The following VTCN1 variants were observed in gnomAD, a reference collection of about 807,000 sequenced individuals.
VTCN1 encodes V-set domain-containing T-cell activation inhibitor 1.
Under a neutral mutation model 26.5 loss-of-function variants are expected in VTCN1, and 26 were observed. That is an observed-to-expected ratio of 0.98 (90% CI 0.72 to 1.36). The LOEUF is 1.36. VTCN1 is among the 40% of genes most tolerant of loss of function. The probability of loss-of-function intolerance (pLI) is 0.00; values close to 1 mark genes in which losing one functional copy is unlikely to be tolerated. For missense variants in VTCN1, 298 were observed against 337.7 expected (o/e 0.88, Z 0.92); for synonymous variants, 116 against 130.7 (o/e 0.89, Z 0.77).
At chr1:117,151,832 A>G (rs1053786642) in intron 4 of VTCN1, among the ~76,000 whole-genome samples, 1 of 151,748 alleles carries the variant, frequency 6.6e-6, no homozygotes, top group African/African-American at 2.4e-5. Flanking sequence ...GAGGGTTCCA[A>G]TTTTTCCGCA....
intron 2 of VTCN1, among the ~76,000 whole-genome samples, chr1:117,160,056 C>T (rs1652287472): frequency 1.3e-5 from 2 of 152,180 alleles, no homozygotes; most frequent in Non-Finnish European, 1.5e-5. Flanking sequence ...ATTTAATTAA[C>T]TGAATCTTCT....
At chr1:117,205,032 A>ATG (rs1473455790) in intron 1 of VTCN1, among the ~76,000 whole-genome samples, 4 of 150,722 alleles carry the variant, frequency 2.7e-5, no homozygotes, top group Non-Finnish European at 1.5e-5. Flanking sequence ...ACACGTATAT[A>ATG]TATACGTGTC....
chr1:117,184,315 A>G (rs1647825137), intron 1 of VTCN1, among the ~76,000 whole-genome samples: 1 of 152,050 alleles, frequency 6.6e-6, no homozygotes, highest in South Asian at 2.1e-4. Flanking sequence ...GCACTGGGCT[A>G]TCTGCGAGGC....
chr1:117,191,508 A>C (rs994989279), intron 1 of VTCN1, among the ~76,000 whole-genome samples: 6 of 152,142 alleles, frequency 3.9e-5, no homozygotes, highest in Non-Finnish European at 8.8e-5. Flanking sequence ...TAAAAAATAA[A>C]AAACAGACTG....
At chr1:117,172,361 T>C (rs772613029) in intron 1 of VTCN1, 95 of 518,662 alleles carry the variant, frequency 1.8e-4, no homozygotes, top group Admixed American at 1.8e-3. Flanking sequence ...ATCTGCTAAA[T>C]TGATTCCAAG....
At chr1:117,187,121 A>G (rs998750020) in intron 1 of VTCN1, among the ~76,000 whole-genome samples, 3 of 151,854 alleles carry the variant, frequency 2.0e-5, no homozygotes, top group African/African-American at 4.8e-5. Flanking sequence ...ACCCTGCCTC[A>G]GCAACAAGGT....
intron 1 of VTCN1, among the ~76,000 whole-genome samples, chr1:117,173,900 C>G (rs1052123174): frequency 6.6e-6 from 1 of 152,182 alleles, no homozygotes; most frequent in African/African-American, 2.4e-5. Flanking sequence ...ACGTTTCCCT[C>G]GCTGTGAAAA....
At chr1:117,200,667 T>C (rs911059082) in intron 1 of VTCN1, among the ~76,000 whole-genome samples, 4 of 152,216 alleles carry the variant, frequency 2.6e-5, no homozygotes, top group Non-Finnish European at 4.4e-5. Flanking sequence ...GTTGGTTATT[T>C]GAAGTTCTGT....
intron 2 of VTCN1, among the ~76,000 whole-genome samples, chr1:117,166,666 AAAAG>A (rs1652628505): frequency 6.7e-6 from 1 of 148,986 alleles, no homozygotes; most frequent in Admixed American, 6.7e-5. Flanking sequence ...AAAAAAAAAA[AAAAG>A]AAAGAAAAAG....
At chr1:117,165,099 CCACTA>C (rs1652544794) in intron 2 of VTCN1, among the ~76,000 whole-genome samples, 1 of 152,244 alleles carries the variant, frequency 6.6e-6, no homozygotes, top group Non-Finnish European at 1.5e-5. Flanking sequence ...ACACCCTTCT[CCACTA>C]CAACTCTGTG....
At chr1:117,150,357 G>A (rs578055235) in intron 4 of VTCN1, among the ~76,000 whole-genome samples, 51 of 152,304 alleles carry the variant, frequency 3.3e-4, no homozygotes, top group African/African-American at 1.2e-3. Context: ...AGAGAATTAA[G>A]TAGAAATGAG....
In VTCN1 at chr1:117,194,642, A is replaced by G. The variant is rs867372816; in HGVS notation, c.32+16182T>C. Among the ~76,000 whole-genome samples, 17 of 152,372 alleles carry G rather than the reference A, an allele frequency of 1.1e-4. 1 individual carries two copies. The highest frequency in any genetic ancestry group is 3.4e-3 in the Middle Eastern group (1 of 294). On this transcript the variant is annotated intron_variant, in intron 1 of 5. Transcript: ENST00000369458. ...ACTGTGTCTATCAATACATGAGTTG[A>G]CAAAGAAATTGTGTCCCATATTTAC...
In VTCN1 at chr1:117,167,794, G is replaced by A. The variant is rs895345749; in HGVS notation, c.97+2313C>T. On this transcript the variant is annotated intron_variant, in intron 2 of 5. Coordinates refer to ENST00000369458, the MANE Select transcript of VTCN1 (RefSeq NM_024626.4). The surrounding 1 kb of genome is among the most constrained non-coding windows in gnomAD (Gnocchi z 4.1). ...ATTGAAAGATGGCCAAGTAAAGCAG[G>A]AAGAGGAATATTAATAAAGATAAAA... 6.6e-6 allele frequency among the ~76,000 whole-genome samples: 1 copy of A among 152,188 alleles called. No individual in the cohort carries two copies. Among genetic ancestry groups the A allele is most frequent in the African/African-American group, 2.4e-5 (1 of 41,452 alleles).
chr1:117,151,535 TATTGGTCCATTTTACAGAGCGCTG>T (rs58247885), intron 4 of VTCN1, among the ~76,000 whole-genome samples: 14 of 150,490 alleles, frequency 9.3e-5, no homozygotes, highest in African/African-American at 2.3e-4. Context: ...ACTTCCTGCC[TATTGGTCCATTTTACAGAGCGCTG>T]ATTGGTCCAT....
At chr1:117,210,571 G>A (rs1213595713) in intron 1 of VTCN1, among the ~76,000 whole-genome samples, 1 of 152,170 alleles carries the variant, frequency 6.6e-6, no homozygotes, top group African/African-American at 2.4e-5. Flanking sequence ...TGCCCAGCAA[G>A]CGCCAGCCCT....
intron 1 of VTCN1, chr1:117,172,370 A>C (rs975764409): frequency 1.9e-6 from 1 of 518,646 alleles, no homozygotes; most frequent in Non-Finnish European, 3.9e-6. Flanking sequence ...ATTGATTCCA[A>C]GGGAGACCAT....
intron 1 of VTCN1, among the ~76,000 whole-genome samples, chr1:117,178,588 GT>G (rs10657719): frequency 1.9e-3 from 170 of 88,256 alleles, no homozygotes; most frequent in Non-Finnish European, 2.4e-3. Context: ...TCTTTCTTTC[GT>G]TTTTTTTTTT....
chr1:117,187,979 A>G (rs1023298855), intron 1 of VTCN1, among the ~76,000 whole-genome samples: 1 of 152,130 alleles, frequency 6.6e-6, no homozygotes, highest in African/African-American at 2.4e-5. Context: ...TAGCTGCCTC[A>G]CTCAGATGAA....
chr1:117,182,619 C>T (rs766933121), intron 1 of VTCN1, among the ~76,000 whole-genome samples: 7 of 152,166 alleles, frequency 4.6e-5, no homozygotes, highest in African/African-American at 9.7e-5. Context: ...TATGTAGAAC[C>T]CTTCTGTGGT....
Sources: gnomAD v4.1 joint callset for allele counts (sites outside exome capture counted in the v4.1 genomes callset) on GRCh38, gnomAD v4.1.1 for gene constraint, Gnocchi (gnomAD v3.1) non-coding constraint, MANE v1.5 for transcripts, NCBI Gene and HGNC (gene_info 2026-07-23, HGNC 2026-07-21) for gene names.